STOX2: variants seen among roughly 807,000 people sequenced by gnomAD.
STOX2 encodes storkhead box 2.
In STOX2, 28 loss-of-function variants were observed where a neutral mutation model predicts 60.9. The observed-to-expected ratio is 0.46, with a 90% CI of 0.34 to 0.63. The LOEUF (loss-of-function observed/expected upper bound fraction) is 0.63, where lower values mean the gene tolerates loss of function less well. Ranked by LOEUF, STOX2 falls within the 30% of genes least tolerant of loss-of-function variation. The probability of loss-of-function intolerance (pLI) is 0.01; values close to 1 mark genes in which losing one functional copy is unlikely to be tolerated. For synonymous variants in STOX2, 472 were observed against 463.9 expected (o/e 1.02, Z -0.22); for missense variants, 1,024 against 1,187.7 (o/e 0.86, Z 2.03).
At chr4:184,015,328 C>G (rs1363352874) in intron 3 of STOX2, 6 of 152,222 alleles carry the variant, frequency 3.9e-5, no homozygotes, top group Non-Finnish European at 5.9e-5. Context: ...GGTGAGTTTT[C>G]CTGGGGGAGA....
chr4:183,982,965 T>C (rs1732708934), intron 1 of STOX2, among the ~76,000 whole-genome samples: 1 of 152,222 alleles, frequency 6.6e-6, no homozygotes, highest in Non-Finnish European at 1.5e-5. Flanking sequence ...AAACCTTTAA[T>C]GCCATTCTCC....
At chr4:183,867,406 G>C (rs543822217) in intron 1 of STOX2, among the ~76,000 whole-genome samples, 22 of 152,346 alleles carry the variant, frequency 1.4e-4, no homozygotes, top group African/African-American at 4.8e-4. Flanking sequence ...CGAGGAGAAA[G>C]GCCAAGATCG....
At chr4:183,974,695 A>G (rs1732387309) in intron 1 of STOX2, among the ~76,000 whole-genome samples, 1 of 152,218 alleles carries the variant, frequency 6.6e-6, no homozygotes. Context: ...CTAACAACAA[A>G]GTTTCAAAGT....
chr4:183,978,187 G>A (rs1371731345), intron 1 of STOX2, among the ~76,000 whole-genome samples: 2 of 152,158 alleles, frequency 1.3e-5, no homozygotes, highest in Admixed American at 1.3e-4. Context: ...CCAATGTCCA[G>A]AAGAGTTTTT....
chr4:183,831,245 C>T (rs1739561004), intron 1 of STOX2, among the ~76,000 whole-genome samples: 2 of 152,170 alleles, frequency 1.3e-5, no homozygotes, highest in South Asian at 4.1e-4. Flanking sequence ...TTGTCCTGTA[C>T]AGAACACACC....
intron 1 of STOX2, among the ~76,000 whole-genome samples, chr4:183,897,912 A>C (rs1579387621): frequency 1.3e-5 from 2 of 152,214 alleles, no homozygotes; most frequent in African/African-American, 4.8e-5. Flanking sequence ...ATTATTATGC[A>C]GTCTGATTTT....
chr4:183,899,005 T>C (rs1276139180), intron 1 of STOX2, among the ~76,000 whole-genome samples: 4 of 152,332 alleles, frequency 2.6e-5, no homozygotes, highest in African/African-American at 9.6e-5. Context: ...TCACGTTACG[T>C]CTCTGTGTCA....
chr4:183,822,720 C>T (rs1739330514), intron 1 of STOX2, among the ~76,000 whole-genome samples: 1 of 152,230 alleles, frequency 6.6e-6, no homozygotes, highest in African/African-American at 2.4e-5. Flanking sequence ...CCACTCTCCT[C>T]CTTCTGTGCA....
At chr4:183,907,246 T>A (rs1741646857) in intron 1 of STOX2, among the ~76,000 whole-genome samples, 1 of 152,176 alleles carries the variant, frequency 6.6e-6, no homozygotes, top group Non-Finnish European at 1.5e-5. Context: ...CGCTGCAGCC[T>A]CCTCGAGCTT....
At chr4:183,814,582 T>C (rs1334602411) in intron 1 of STOX2, among the ~76,000 whole-genome samples, 1 of 152,202 alleles carries the variant, frequency 6.6e-6, no homozygotes, top group Non-Finnish European at 1.5e-5. Flanking sequence ...AATTTTTCTG[T>C]GTGTCAGAAT....
intron 1 of STOX2, among the ~76,000 whole-genome samples, chr4:183,833,526 G>A (rs1739621736): frequency 6.6e-6 from 1 of 152,072 alleles, no homozygotes; most frequent in Non-Finnish European, 1.5e-5. Flanking sequence ...AATGCAAACA[G>A]TGGTATGTCA....
At chr4:183,914,975 A>G (rs1212848255) in intron 1 of STOX2, among the ~76,000 whole-genome samples, 1 of 152,244 alleles carries the variant, frequency 6.6e-6, no homozygotes, top group Non-Finnish European at 1.5e-5. Flanking sequence ...GTAGCCGCAC[A>G]AAAGACTAGG....
At chr4:183,881,278 G>A (rs901300278) in intron 1 of STOX2, among the ~76,000 whole-genome samples, 2 of 152,070 alleles carry the variant, frequency 1.3e-5, no homozygotes, top group South Asian at 2.1e-4. Flanking sequence ...TGAGGTGGGC[G>A]GATCCCGAGG....
Position 183,906,912 on chromosome 4 carries a change from C to T in STOX2, c.122C>T (p.Pro41Leu). The T allele has an allele frequency of 6.5e-7, 1 of 1,549,952 alleles. No homozygotes were observed. The highest frequency in any genetic ancestry group is 8.7e-7 in the Non-Finnish European group (1 of 1,145,970). ...GACTACCGCCTGCACAAGCGTTTCC[C>T]CGCGGCCTTCGCGCCCCAGGCTTCG... ...EKDYRLHKRF[P>L]AAFAPQASRG... is the part of the protein sequence containing the mutation. Residue 41 changes from proline to leucine, a missense_variant, in exon 1 of 4, where the codon CCC becomes CTC. Pro to Leu is a moderately conservative substitution (Grantham distance 98). Transcript: ENST00000308497.
At chr4:183,918,914 G>T (rs954850634) in intron 1 of STOX2, among the ~76,000 whole-genome samples, 3 of 152,166 alleles carry the variant, frequency 2.0e-5, no homozygotes, top group African/African-American at 7.2e-5. Flanking sequence ...CAGGATCTGG[G>T]AGCTCAAAGC....
At chr4:183,889,854 TA>T (rs2111181153) in intron 1 of STOX2, among the ~76,000 whole-genome samples, 1 of 152,360 alleles carries the variant, frequency 6.6e-6, no homozygotes, top group African/African-American at 2.4e-5. Context: ...TCTGTGGTAA[TA>T]CTTTCTGTTT....
chr4:183,929,454 T>C (rs753346788), intron 1 of STOX2, among the ~76,000 whole-genome samples: 5 of 152,198 alleles, frequency 3.3e-5, no homozygotes, highest in African/African-American at 7.2e-5. Flanking sequence ...ACGTGTAGTA[T>C]GTTGGGTCAT....
At chr4:183,964,018 G>A (rs2111165413) in intron 1 of STOX2, among the ~76,000 whole-genome samples, 1 of 152,110 alleles carries the variant, frequency 6.6e-6, no homozygotes. Flanking sequence ...CTCGTCATCT[G>A]CCTTCCTCGG....
chr4:183,973,492 A>T (rs1329218743), intron 1 of STOX2, among the ~76,000 whole-genome samples: 1 of 152,204 alleles, frequency 6.6e-6, no homozygotes, highest in African/African-American at 2.4e-5. Context: ...TTTTTAAAAT[A>T]ACCAGGGAAC....
Sources: gnomAD v4.1 joint callset for allele counts (sites outside exome capture counted in the v4.1 genomes callset) on GRCh38, gnomAD v4.1.1 for gene constraint, MANE v1.5 for transcripts, NCBI Gene and HGNC (gene_info 2026-07-23, HGNC 2026-07-21) for gene names.